The following MEAF6 variants were observed in gnomAD, a reference collection of about 807,000 sequenced individuals.
MEAF6 encodes the protein MYST/Esa1 associated factor 6, also known as chromatin modification-related protein MEAF6.
A neutral mutation model predicts 28.9 loss-of-function variants in MEAF6; 15 were observed. The observed-to-expected ratio is 0.52, with a 90% CI of 0.35 to 0.80. The LOEUF is 0.80. Ranked by LOEUF, MEAF6 falls within the 30% of genes least tolerant of loss-of-function variation. The pLI is 0.01. For missense variants in MEAF6, 178 were observed against 237.5 expected, an observed-to-expected ratio of 0.75 and a Z score of 1.65; for synonymous variants, 97 against 88.7, an observed-to-expected ratio of 1.09 and a Z score of -0.53.
chr1:37,509,000 G>A lies in MEAF6; in HGVS notation c.340+278C>T, dbSNP rs142219105. Among the ~76,000 whole-genome samples, 706 of 152,282 alleles carry A rather than the reference G, an allele frequency of 4.6e-3. 4 individuals are homozygous for A. Among genetic ancestry groups the A allele is most frequent in the African/African-American group, 0.016 (660 of 41,546 alleles). ...TGGTCCTAGCTACTTGGGAGGCCGAGGCAGGAGGACTGCTTGAGCCTAGGA... is the reference window on the plus strand; with the variant it reads ...TGGTCCTAGCTACTTGGGAGGCCGAAGCAGGAGGACTGCTTGAGCCTAGGA... On this transcript the variant is annotated intron_variant, in intron 4 of 6. Coordinates refer to ENST00000296214, the MANE Select transcript of MEAF6 (RefSeq NM_001270875.3).
At position 37,491,067 on chromosome 1, in the gene MEAF6, G is replaced by A. The variant is rs561961358; in HGVS notation, c.*3032C>T. On this transcript the variant is annotated 3_prime_UTR_variant, in exon 7 of 7. Transcript: ENST00000296214. ...TAAAATAATGCCTCATTAATTTGGAGTAAGGTTGGGGGGCATAGAAGACAG... is the reference window on the plus strand; with the variant it reads ...TAAAATAATGCCTCATTAATTTGGAATAAGGTTGGGGGGCATAGAAGACAG... Among the ~76,000 whole-genome samples the A allele has an allele frequency of 6.6e-6, 1 of 152,294 alleles. No individual in the cohort carries two copies. The highest frequency in any genetic ancestry group is 2.4e-5 in the African/African-American group (1 of 41,560).
intron 6 of MEAF6, 85 bp downstream of exon 6, chr1:37,495,800 A>T: frequency 7.5e-7 from 1 of 1,338,034 alleles, no homozygotes. Flanking sequence ...CCAGGTTAGG[A>T]ACACTCAAGC....
chr1:37,495,953 A>G (rs1335555759), intron 5 of MEAF6, 35 bp from the exon 6 acceptor site: 1 of 1,586,400 alleles, frequency 6.3e-7, no homozygotes, highest in Non-Finnish European at 8.7e-7. Context: ...TTTCCATTTT[A>G]ATTTACAGAA....
At chr1:37,511,101 T>A (rs970254043) in intron 2 of MEAF6, among the ~76,000 whole-genome samples, 4 of 152,224 alleles carry the variant, frequency 2.6e-5, no homozygotes, top group Admixed American at 2.6e-4. Context: ...ATAAACTTAA[T>A]TCTCAAATTT....
chr1:37,495,330 CAAAA>C (rs1009615971), intron 6 of MEAF6, among the ~76,000 whole-genome samples: 13 of 122,990 alleles, frequency 1.1e-4, no homozygotes, highest in South Asian at 5.5e-4. Context: ...GACTCCGTCT[CAAAA>C]AATAAATAAA....
chr1:37,513,692 G>GT, intron 1 of MEAF6, 154 bp from the exon 2 acceptor site: 3 of 660,206 alleles, frequency 4.5e-6, no homozygotes, highest in Non-Finnish European at 8.2e-6. Context: ...AGGAGGAGCC[G>GT]TTTAGGACTA....
chr1:37,505,586 T>C (rs1490585735), intron 4 of MEAF6, among the ~76,000 whole-genome samples: 1 of 152,188 alleles, frequency 6.6e-6, no homozygotes, highest in African/African-American at 2.4e-5. Flanking sequence ...AACCAAAAGA[T>C]TGGACTCCCT....
rs1641911922 is a variant in MEAF6, at chr1:37,491,017, A to G, written c.*3082T>C. Among the ~76,000 whole-genome samples the G allele has an allele frequency of 6.6e-6, 1 of 152,106 alleles. No homozygotes were observed. The highest frequency in any genetic ancestry group is 6.6e-5 in the Admixed American group (1 of 15,248). Reference sequence around the variant, plus strand: ...ACTCCAGCCTGGACGACAGAGCAAGACTCTGTCTCAAAAAAATAAATAAAT... The same window carrying G: ...ACTCCAGCCTGGACGACAGAGCAAGGCTCTGTCTCAAAAAAATAAATAAAT... On this transcript the variant is annotated 3_prime_UTR_variant, in exon 7 of 7. Coordinates refer to ENST00000296214, the MANE Select transcript of MEAF6 (RefSeq NM_001270875.3).
At chr1:37,501,394 A>C (rs1321973448) in intron 5 of MEAF6, 1 of 156,918 alleles carries the variant, frequency 6.4e-6, no homozygotes, top group East Asian at 1.9e-4. Context: ...CAAAGAAATA[A>C]GAGTAGGCAA....
At chr1:37,494,515 C>CAAA (rs35851858) in intron 6 of MEAF6, among the ~76,000 whole-genome samples, 17 of 82,246 alleles carry the variant, frequency 2.1e-4, no homozygotes, top group Admixed American at 4.6e-4. Context: ...AACTCTGTTT[C>CAAA]AAAAAAAAAA....
intron 6 of MEAF6, among the ~76,000 whole-genome samples, 169 bp downstream of exon 6, chr1:37,495,716 A>AAAAAAAAAAAAC (rs1557603988): frequency 4.6e-5 from 6 of 129,778 alleles, no homozygotes; most frequent in Non-Finnish European, 3.5e-5. Context: ...AAAAAAAAAA[A>AAAAAAAAAAAAC]AAACAAAAAA....
rs1641903110 is a variant in MEAF6 at position 37,490,816 on chromosome 1, G to C, written c.*3283C>G. On this transcript the variant is annotated 3_prime_UTR_variant, in exon 7 of 7. Transcript: ENST00000296214. ...CTGAGGCAGGTGGATTACGAAGTCA[G>C]GAGTTTGAGTCCAGCCTGGCCAATA... Among the ~76,000 whole-genome samples the C allele has an allele frequency of 6.6e-6, 1 of 151,896 alleles. No individual in the cohort carries two copies. Among genetic ancestry groups the C allele is most frequent in the Non-Finnish European group, 1.5e-5 (1 of 67,972 alleles).
chr1:37,495,704 C>CAA (rs1217893546), intron 6 of MEAF6, among the ~76,000 whole-genome samples, 181 bp downstream of exon 6: 47 of 64,454 alleles, frequency 7.3e-4, no homozygotes, highest in South Asian at 1.7e-3. Flanking sequence ...AAACAAAAAA[C>CAA]AAAAAAAAAA....
In MEAF6 at chr1:37,514,766, C is replaced by A. The variant is rs750416516; in HGVS notation, c.-20G>T. 2.9e-6 allele frequency: 4 copies of A among 1,364,486 alleles called. No individual in the cohort carries two copies. 84.5% of individuals were successfully genotyped at this position (1,364,486 alleles called of 1,614,324 possible). ...CGCCATGTTGGGCTGAGGCGGGCGG[C>A]GGCGGCGCGAGGTTGGGGGCGGTCC... On this transcript the variant is annotated 5_prime_UTR_variant, in exon 1 of 7. Transcript: ENST00000296214.
At position 37,490,764 on chromosome 1, in the gene MEAF6, C is replaced by G. The variant is rs1017825120; in HGVS notation, c.*3335G>C. On this transcript the variant is annotated 3_prime_UTR_variant, in exon 7 of 7. Coordinates refer to ENST00000296214, the MANE Select transcript of MEAF6 (RefSeq NM_001270875.3). Reference sequence around the variant, plus strand: ...TCATTAGGCCGGGTGCAGTGGCTCACGCCTGTAATCCTAGCACTTTGGGAG... The same window carrying G: ...TCATTAGGCCGGGTGCAGTGGCTCAGGCCTGTAATCCTAGCACTTTGGGAG... Among the ~76,000 whole-genome samples the G allele has an allele frequency of 3.9e-5, 6 of 152,130 alleles. No individual in the cohort carries two copies. The highest frequency in any genetic ancestry group is 1.4e-4 in the African/African-American group (6 of 41,436).
intron 2 of MEAF6, among the ~76,000 whole-genome samples, chr1:37,510,162 T>C (rs1557612634): frequency 6.6e-6 from 1 of 150,792 alleles, no homozygotes; most frequent in Non-Finnish European, 1.5e-5. Context: ...CTGCAACCTC[T>C]ACCTCCCAGG....
intron 4 of MEAF6, 52 bp downstream of exon 4, chr1:37,509,226 G>A: frequency 6.8e-7 from 1 of 1,463,720 alleles, no homozygotes; most frequent in Non-Finnish European, 9.6e-7. Flanking sequence ...AAGTGTAAGG[G>A]TGATGGTAGC....
intron 2 of MEAF6, among the ~76,000 whole-genome samples, chr1:37,511,016 G>A (rs72657774): frequency 0.051 from 7,766 of 152,280 alleles, 289 homozygotes; most frequent in Non-Finnish European, 0.077. Context: ...CACTATGCCC[G>A]GCCAATATAT....
chr1:37,510,290 C>T (rs182155024), intron 2 of MEAF6, among the ~76,000 whole-genome samples: 1 of 150,978 alleles, frequency 6.6e-6, no homozygotes, highest in African/African-American at 2.4e-5. Context: ...ACCAAATTGG[C>T]CTGGCTGGTC....
Sources: allele counts gnomAD v4.1 joint callset (sites outside exome capture counted in the v4.1 genomes callset), GRCh38; gene constraint gnomAD v4.1.1; transcripts MANE v1.5; gene names NCBI Gene and HGNC (gene_info 2026-07-23, HGNC 2026-07-21).